GALNS: variants seen among roughly 807,000 people sequenced by gnomAD.
The protein encoded by GALNS is galactosamine (N-acetyl)-6-sulfatase.
Under a neutral mutation model 65.9 loss-of-function variants are expected in GALNS, and 65 were observed. That is an observed-to-expected ratio of 0.99 (90% CI 0.81 to 1.21). The LOEUF (loss-of-function observed/expected upper bound fraction) is 1.21, where lower values mean the gene tolerates loss of function less well. GALNS is among the 50% of genes most tolerant of loss of function. The probability of loss-of-function intolerance (pLI) is 0.00; values close to 1 mark genes in which losing one functional copy is unlikely to be tolerated. For missense variants in GALNS, 776 were observed against 700.7 expected (o/e 1.11, Z -1.21); for synonymous variants, 346 against 288.9 (o/e 1.20, Z -2.00).
At chr16:88,821,226 A>C (rs1910184470) in intron 12 of GALNS, among the ~76,000 whole-genome samples, 3 of 152,122 alleles carry the variant, frequency 2.0e-5, no homozygotes, top group Admixed American at 6.5e-5. Context: ...CCCTGGAGGA[A>C]CTGGGGCTCC....
At chr16:88,854,236 A>G (rs1032439462) in intron 1 of GALNS, among the ~76,000 whole-genome samples, 1 of 152,228 alleles carries the variant, frequency 6.6e-6, no homozygotes, top group Non-Finnish European at 1.5e-5. Flanking sequence ...GACCTGTTGC[A>G]GGTTCAGACG....
At chr16:88,855,318 C>T (rs1567548426) in intron 1 of GALNS, 3 of 700,206 alleles carry the variant, frequency 4.3e-6, no homozygotes, top group Non-Finnish European at 5.2e-6. Context: ...GCTATGCTGG[C>T]CCAGAAGGAG....
chr16:88,850,918 T>C (rs932618751), intron 1 of GALNS, among the ~76,000 whole-genome samples: 4 of 152,184 alleles, frequency 2.6e-5, no homozygotes, highest in Non-Finnish European at 5.9e-5. Flanking sequence ...GCTGCTCCTA[T>C]CAGCGAACAG....
intron 11 of GALNS, among the ~76,000 whole-genome samples, chr16:88,824,530 C>T (rs1910599494): frequency 6.6e-6 from 1 of 152,168 alleles, no homozygotes; most frequent in South Asian, 2.1e-4. Flanking sequence ...TGTAGCTATG[C>T]CGCGGGGCTA....
Position 88,816,428 on chromosome 16 carries a change from CACT to C in GALNS, c.1482+1576_1482+1578del, listed in dbSNP as rs751244430. The C allele has an allele frequency of 7.4e-5, 73 of 985,446 alleles. No homozygotes were observed. The East Asian group carries it at 4.8e-3, about 64-fold the overall frequency. The allele number at this position is 985,446 out of a possible 1,614,324, so 61.0% of individuals were successfully genotyped here. On this transcript the variant is annotated intron_variant, in intron 13 of 13. Coordinates refer to ENST00000268695, the MANE Select transcript of GALNS (RefSeq NM_000512.5). ...TGAGACAGGGACCTCCCTGCTCCAC[CACT>C]GAGTCCAGAGGCGGGGACGCCAGCT... is the stretch of plus-strand genomic sequence containing the variant.
In GALNS at chr16:88,832,101, C is replaced by A. The variant is rs780778562; in HGVS notation, c.899G>T (p.Gly300Val). ...ACACAGAAAGGGGCCGTTGCTGCCA[C>A]CTGGGAGAGAGGGGCCCTTGTCAGG... ...GAALISAPEQGGSNGPFLCGK... is the reference protein window; with the variant it reads ...GAALISAPEQVGSNGPFLCGK... The change falls in exon 9 of 14, where the codon GGT (glycine) becomes GTT (valine). Residue 300 changes from glycine (G) to valine (V), a missense_variant and splice_region_variant. Gly to Val is a moderately radical substitution (Grantham distance 109). Coordinates refer to ENST00000268695, the MANE Select transcript of GALNS (RefSeq NM_000512.5). 2 of 1,613,450 alleles carry A rather than the reference C, an allele frequency of 1.2e-6. No homozygotes were observed. The highest frequency in any genetic ancestry group is 1.1e-5 in the South Asian group (1 of 91,042).
chr16:88,816,434 G>C (rs1192515316), intron 13 of GALNS: 3 of 985,316 alleles, frequency 3.0e-6, no homozygotes, highest in Non-Finnish European at 3.6e-6. Flanking sequence ...CCACCACTGA[G>C]TCCAGAGGCG....
At chr16:88,820,528 C>T (rs1460398223) in intron 12 of GALNS, among the ~76,000 whole-genome samples, 2 of 152,238 alleles carry the variant, frequency 1.3e-5, no homozygotes, top group East Asian at 1.9e-4. Context: ...GGTGTGTGAC[C>T]TCAGGGACAG....
chr16:88,819,030 G>A (rs1019972255), intron 12 of GALNS, among the ~76,000 whole-genome samples: 1 of 152,236 alleles, frequency 6.6e-6, no homozygotes, highest in Admixed American at 6.5e-5. Flanking sequence ...TCCAGGCCCA[G>A]TACCTTCTGG....
At position 88,834,643 on chromosome 16, in the gene GALNS, C is replaced by CG. The variant is rs1555521403; in HGVS notation, c.898+569dup. 1.4e-3 allele frequency among the ~76,000 whole-genome samples: 114 copies of CG among 82,320 alleles called. 15 individuals carry two copies. Among genetic ancestry groups the CG allele is most frequent in the Middle Eastern group, 0.016 (2 of 124 alleles). 54.0% of individuals were successfully genotyped at this position (82,320 alleles called of 152,430 possible). Reference sequence around the variant, plus strand: ...GGGAAGAGGCTGCAGGGCCCCCCCCCGCGTGGTCTGGGAAGAGGCGGGTTC... The same window carrying CG: ...GGGAAGAGGCTGCAGGGCCCCCCCCCGGCGTGGTCTGGGAAGAGGCGGGTTC... On this transcript the variant is annotated intron_variant, in intron 8 of 13. Transcript: ENST00000268695.
chr16:88,850,134 C>T (rs1967436796), intron 1 of GALNS, among the ~76,000 whole-genome samples: 1 of 152,230 alleles, frequency 6.6e-6, no homozygotes, highest in South Asian at 2.1e-4. Context: ...TGGGAGAGTA[C>T]AGAATGGCAG....
intron 2 of GALNS, 89 bp from the exon 3 acceptor site, chr16:88,842,060 C>G: frequency 2.6e-6 from 3 of 1,171,856 alleles, no homozygotes; most frequent in Non-Finnish European, 3.8e-6. Flanking sequence ...AGTAGACAGA[C>G]GCGTGACAGA....
rs111553117 is a variant in GALNS at position 88,841,978 on chromosome 16, G to A, written c.245-7C>T. On this transcript the variant is annotated splice_polypyrimidine_tract_variant and splice_region_variant and intron_variant, in intron 2 of 13. Transcript: ENST00000268695. Reference sequence around the variant, plus strand: ...GTGAGCAGTGCCGCCCTCGCTATGTGGAGGTGACAGAAACAGAAACTGGAT... The same window carrying A: ...GTGAGCAGTGCCGCCCTCGCTATGTAGAGGTGACAGAAACAGAAACTGGAT... The A allele has an allele frequency of 9.3e-6, 15 of 1,609,784 alleles. No individual in the cohort carries two copies. The African/African-American group carries it at 1.2e-4, about 13-fold the overall frequency.
chr16:88,817,876 G>C (rs550345193), intron 13 of GALNS, 131 bp downstream of exon 13: 42 of 821,822 alleles, frequency 5.1e-5, no homozygotes, highest in Non-Finnish European at 7.8e-5. Flanking sequence ...TGAGGCACGA[G>C]GGCCTCACCA....
At chr16:88,848,736 CA>C (rs1272631153) in intron 1 of GALNS, among the ~76,000 whole-genome samples, 1 of 152,160 alleles carries the variant, frequency 6.6e-6, no homozygotes, top group Non-Finnish European at 1.5e-5. Context: ...GGGGTCTGAA[CA>C]GAGGGGAAGC....
chr16:88,840,606 C>T, intron 4 of GALNS: 1 of 361,964 alleles, frequency 2.8e-6, no homozygotes, highest in South Asian at 2.2e-5. Flanking sequence ...CAACAGGCCC[C>T]TAGGGTGGAC....
At chr16:88,822,912 G>A (rs1173647842) in intron 11 of GALNS, among the ~76,000 whole-genome samples, 3 of 152,296 alleles carry the variant, frequency 2.0e-5, no homozygotes, top group Admixed American at 6.5e-5. Flanking sequence ...ATGGTGCAGG[G>A]CGCTGGCTAA....
chr16:88,821,081 G>A (rs1045229351), intron 12 of GALNS, among the ~76,000 whole-genome samples: 6 of 152,142 alleles, frequency 3.9e-5, no homozygotes, highest in East Asian at 3.9e-4. Flanking sequence ...CGAGTCCCCC[G>A]GGGGCGTCTG....
chr16:88,852,974 G>A (rs1226739434), intron 1 of GALNS, among the ~76,000 whole-genome samples: 1 of 151,816 alleles, frequency 6.6e-6, no homozygotes, highest in Non-Finnish European at 1.5e-5. Flanking sequence ...GTCCTGGCTG[G>A]GTGTGGTGGC....
Sources: gnomAD v4.1 joint callset for allele counts (sites outside exome capture counted in the v4.1 genomes callset) on GRCh38, gnomAD v4.1.1 for gene constraint, MANE v1.5 for transcripts, NCBI Gene and HGNC (gene_info 2026-07-23, HGNC 2026-07-21) for gene names.